Variants in KIRREL3 observed in about 807,000 individuals in gnomAD.
KIRREL3 encodes the protein kirre like nephrin family adhesion molecule 3, also known as kin of IRRE-like protein 3.
Under a neutral mutation model 89.7 loss-of-function variants are expected in KIRREL3, and 36 were observed. That is an observed-to-expected ratio of 0.40 (90% CI 0.31 to 0.53). The LOEUF is 0.53. Among genes scored for constraint, KIRREL3 ranks in the 20% least tolerant of loss-of-function variants. The pLI is 0.49. For synonymous variants in KIRREL3, 445 were observed against 441.4 expected (o/e 1.01, Z -0.10); for missense variants, 864 against 1,056.6 (o/e 0.82, Z 2.53).
At chr11:126,902,630 G>A (rs1052627615) in intron 1 of KIRREL3, among the ~76,000 whole-genome samples, 2 of 152,356 alleles carry the variant, frequency 1.3e-5, no homozygotes, top group Non-Finnish European at 1.5e-5. Context: ...AGAAGTGTGC[G>A]TCAAAGTCCC....
At position 126,431,297 on chromosome 11, in the gene KIRREL3, G is replaced by A. The variant is rs1444121805; in HGVS notation, c.1696+122C>T. On this transcript the variant is annotated intron_variant, in intron 14 of 16. Transcript: ENST00000525144. The surrounding 1 kb of genome is among the most constrained non-coding windows in gnomAD (Gnocchi z 7.1). ...GCATCAGACCCACTCCCTGCCCCAG[G>A]AGCTCACAGCACTGTTAGGACCCCT... The A allele has an allele frequency of 2.6e-6, 4 of 1,551,484 alleles. No homozygotes were observed. Among genetic ancestry groups the A allele is most frequent in the African/African-American group, 1.4e-5 (1 of 73,078 alleles).
intron 1 of KIRREL3, among the ~76,000 whole-genome samples, chr11:126,975,413 C>T (rs998709006): frequency 6.6e-6 from 1 of 152,156 alleles, no homozygotes; most frequent in Admixed American, 6.5e-5. Context: ...TCCTACCCCC[C>T]TGAAATTTCC....
Position 126,653,106 on chromosome 11 carries a change from A to G in KIRREL3, c.56-90194T>C, listed in dbSNP as rs974265380. 6.5e-4 allele frequency among the ~76,000 whole-genome samples: 99 copies of G among 152,334 alleles called. No homozygotes were observed. Among genetic ancestry groups the G allele is most frequent in the African/African-American group, 2.3e-3 (97 of 41,562 alleles). On this transcript the variant is annotated intron_variant, in intron 1 of 16. Coordinates refer to ENST00000525144, the MANE Select transcript of KIRREL3 (RefSeq NM_032531.4). This position sits in a 1 kb window ranked among gnomAD's most constrained non-coding sequence, Gnocchi z 5.4. ...GCTTATGCCAGACACCTTGTTTGTA[A>G]TTGTCTTGTGAGGAATATATGTACA...
chr11:126,740,444 G>C lies in KIRREL3; in HGVS notation c.56-177532C>G, dbSNP rs1948943115. Among the ~76,000 whole-genome samples, 1 of 152,114 alleles carries C rather than the reference G, an allele frequency of 6.6e-6. No individual in the cohort carries two copies. The highest frequency in any genetic ancestry group is 2.4e-5 in the African/African-American group (1 of 41,410). On this transcript the variant is annotated intron_variant, in intron 1 of 16. Transcript: ENST00000525144. The surrounding 1 kb of genome is among the most constrained non-coding windows in gnomAD (Gnocchi z 6.0). ...CAGAAAAGTCTTTCTGGATATACCA[G>C]ACCAGCCTTTGGTGTCACTAGGTCC...
chr11:126,808,905 G>T lies in KIRREL3; in HGVS notation c.55+191550C>A, dbSNP rs188248395. On this transcript the variant is annotated intron_variant, in intron 1 of 16. Coordinates refer to ENST00000525144, the MANE Select transcript of KIRREL3 (RefSeq NM_032531.4). The surrounding 1 kb of genome is among the most constrained non-coding windows in gnomAD (Gnocchi z 4.1). ...GCATGAGAAGGCCACTGTCAAGGTC[G>T]GGAGGTTCCAGAATGGACTGATTCT... Among the ~76,000 whole-genome samples the T allele has an allele frequency of 2.0e-5, 3 of 152,270 alleles. No individual in the cohort carries two copies. In the East Asian group the frequency reaches 5.8e-4, roughly 29 times the overall value.
At chr11:126,929,626 C>T (rs940845407) in intron 1 of KIRREL3, among the ~76,000 whole-genome samples, 7 of 152,192 alleles carry the variant, frequency 4.6e-5, no homozygotes, top group Admixed American at 2.0e-4. Context: ...AGTTTTGCAG[C>T]AGCAAGACCC....
In KIRREL3 at chr11:126,983,827, T is replaced by G. The variant is rs1002960599; in HGVS notation, c.55+16628A>C. ...TGTGGTAACATGTTAACAGCAGCAC[T>G]GGGAAACAAATACACTCCATACATA... On this transcript the variant is annotated intron_variant, in intron 1 of 16. Coordinates refer to ENST00000525144, the MANE Select transcript of KIRREL3 (RefSeq NM_032531.4). The surrounding 1 kb of genome is among the most constrained non-coding windows in gnomAD (Gnocchi z 4.9). 6.6e-6 allele frequency among the ~76,000 whole-genome samples: 1 copy of G among 152,208 alleles called. No homozygotes were observed. Among genetic ancestry groups the G allele is most frequent in the African/African-American group, 2.4e-5 (1 of 41,442 alleles).
At chr11:126,722,558 A>T (rs1948216740) in intron 1 of KIRREL3, among the ~76,000 whole-genome samples, 1 of 152,222 alleles carries the variant, frequency 6.6e-6, no homozygotes. Flanking sequence ...TTACTCATTT[A>T]TGTATTGTCT....
rs1469166215 is a variant in KIRREL3, at chr11:126,704,330, T to C, written c.56-141418A>G. Among the ~76,000 whole-genome samples, 4 of 151,902 alleles carry C rather than the reference T, an allele frequency of 2.6e-5. No individual in the cohort carries two copies. Among genetic ancestry groups the C allele is most frequent in the Admixed American group, 2.6e-4 (4 of 15,258 alleles). On this transcript the variant is annotated intron_variant, in intron 1 of 16. Transcript: ENST00000525144. This position sits in a 1 kb window ranked among gnomAD's most constrained non-coding sequence, Gnocchi z 4.2. Reference sequence around the variant, plus strand: ...ACAGAACAACAGCTGGTAGGAAGCATGTTTGTCGGGGTGTGGGGAGTGCAG... The same window carrying C: ...ACAGAACAACAGCTGGTAGGAAGCACGTTTGTCGGGGTGTGGGGAGTGCAG...
intron 1 of KIRREL3, among the ~76,000 whole-genome samples, chr11:126,922,159 C>A (rs1313893678): frequency 2.0e-5 from 3 of 151,466 alleles, no homozygotes; most frequent in African/African-American, 7.3e-5. Flanking sequence ...ATCTATCTAT[C>A]TATCTATCTA....
chr11:126,611,137 A>C lies in KIRREL3; in HGVS notation c.56-48225T>G, dbSNP rs1402390692. Among the ~76,000 whole-genome samples, 1 of 152,208 alleles carries C rather than the reference A, an allele frequency of 6.6e-6. No individual in the cohort carries two copies. Among genetic ancestry groups the C allele is most frequent in the Non-Finnish European group, 1.5e-5 (1 of 68,026 alleles). On this transcript the variant is annotated intron_variant, in intron 1 of 16. Transcript: ENST00000525144. The surrounding 1 kb of genome is among the most constrained non-coding windows in gnomAD (Gnocchi z 4.7). ...TGACTTTGGGGAAGTTCCTCAACTG[A>C]AGTCACAAAGACCTAATCTGGGAGG...
In KIRREL3 at chr11:126,492,286, G is replaced by T. The variant is rs1359544413; in HGVS notation, c.434-18820C>A. Among the ~76,000 whole-genome samples the T allele has an allele frequency of 1.3e-5, 2 of 152,138 alleles. No homozygotes were observed. ...GACACAGCTGGGGAAGGGAGGTCAGGCCTCTTTTTCCCAAGCCTGTTCCCC... is the reference window on the plus strand; with the variant it reads ...GACACAGCTGGGGAAGGGAGGTCAGTCCTCTTTTTCCCAAGCCTGTTCCCC... On this transcript the variant is annotated intron_variant, in intron 4 of 16. Transcript: ENST00000525144. This position sits in a 1 kb window ranked among gnomAD's most constrained non-coding sequence, Gnocchi z 4.8.
intron 1 of KIRREL3, among the ~76,000 whole-genome samples, chr11:126,738,246 T>C (rs1948869199): frequency 6.6e-6 from 1 of 152,198 alleles, no homozygotes; most frequent in Non-Finnish European, 1.5e-5. Flanking sequence ...TTTGAATTAA[T>C]CATAGGGGAG....
At chr11:126,824,406 G>A (rs977275305) in intron 1 of KIRREL3, among the ~76,000 whole-genome samples, 1 of 152,182 alleles carries the variant, frequency 6.6e-6, no homozygotes, top group Non-Finnish European at 1.5e-5. Flanking sequence ...CCTAAGATTT[G>A]TTATAAGGAC....
chr11:126,511,446 G>A (rs1958218631), intron 4 of KIRREL3, among the ~76,000 whole-genome samples: 2 of 152,168 alleles, frequency 1.3e-5, no homozygotes, highest in Admixed American at 6.5e-5. Context: ...CCTCACAGCA[G>A]CAAGATAACA....
chr11:126,585,720 G>A (rs1176622857), intron 1 of KIRREL3, among the ~76,000 whole-genome samples: 1 of 152,206 alleles, frequency 6.6e-6, no homozygotes, highest in Non-Finnish European at 1.5e-5. Context: ...AAAGGGATGC[G>A]GGGCCTAGCA....
intron 1 of KIRREL3, among the ~76,000 whole-genome samples, chr11:126,863,634 CGTGTGT>C (rs4054986): frequency 8.1e-6 from 1 of 123,272 alleles, no homozygotes; most frequent in Non-Finnish European, 2.0e-5. Flanking sequence ...TGTTTGAGTG[CGTGTGT>C]GTGTGTTTGA....
In KIRREL3 at chr11:126,837,233, C is replaced by T. The variant is rs1387508311; in HGVS notation, c.55+163222G>A. The stretch of plus-strand genomic sequence containing the variant: ...CAACTGTGAAATAGGTTTAATAAAA[C>T]CAGCCTTAGAACCCTGAGGGAGACA... On this transcript the variant is annotated intron_variant, in intron 1 of 16. Transcript: ENST00000525144. This position sits in a 1 kb window ranked among gnomAD's most constrained non-coding sequence, Gnocchi z 4.7. Among the ~76,000 whole-genome samples, 1 of 152,162 alleles carries T rather than the reference C, an allele frequency of 6.6e-6. No individual in the cohort carries two copies. Among genetic ancestry groups the T allele is most frequent in the African/African-American group, 2.4e-5 (1 of 41,418 alleles).
At chr11:126,799,934 G>A (rs1158369385) in intron 1 of KIRREL3, among the ~76,000 whole-genome samples, 2 of 152,128 alleles carry the variant, frequency 1.3e-5, no homozygotes, top group African/African-American at 4.8e-5. Context: ...TCAGTAAGTG[G>A]TCTCAACTCC....
Sources: gnomAD v4.1 joint callset for allele counts (sites outside exome capture counted in the v4.1 genomes callset) on GRCh38, gnomAD v4.1.1 for gene constraint, Gnocchi (gnomAD v3.1) non-coding constraint, MANE v1.5 for transcripts, NCBI Gene and HGNC (gene_info 2026-07-23, HGNC 2026-07-21) for gene names.